CFAP299: variants seen among roughly 807,000 people sequenced by gnomAD.
CFAP299 encodes the protein cilia and flagella associated protein 299.
CFAP299 carries 21 observed loss-of-function variants against 27.0 expected under a neutral mutation model. The ratio of observed to expected loss-of-function variants is 0.78; its 90% CI spans 0.55 to 1.12. The LOEUF (loss-of-function observed/expected upper bound fraction) is 1.12. Among genes scored for constraint, CFAP299 ranks in the 50% most tolerant of loss-of-function variants. The probability of loss-of-function intolerance (pLI) is 0.00; values close to 1 mark genes in which losing one functional copy is unlikely to be tolerated. For missense variants in CFAP299, 310 were observed against 276.6 expected (o/e 1.12, Z -0.86); for synonymous variants, 104 against 98.1 (o/e 1.06, Z -0.36).
rs561059021 is a variant in CFAP299 at position 80,741,293 on chromosome 4, G to A, written c.334-128700G>A. ...AGATGGAGTCTTGCTCTGTCGCCCA[G>A]GCTGGAGTGCAGTGGCATGATCTCA... On this transcript the variant is annotated intron_variant, in intron 3 of 5. Transcript: ENST00000358105. Among the ~76,000 whole-genome samples the A allele has an allele frequency of 3.8e-3, 576 of 152,216 alleles. 1 individual carries two copies. Among genetic ancestry groups the A allele is most frequent in the African/African-American group, 0.013 (538 of 41,538 alleles).
chr4:80,371,650 G>A (rs1159773644), intron 2 of CFAP299, among the ~76,000 whole-genome samples: 2 of 151,984 alleles, frequency 1.3e-5, no homozygotes, highest in African/African-American at 4.8e-5. Context: ...AAGTTCCACA[G>A]ATCCCTAGAG....
intron 2 of CFAP299, among the ~76,000 whole-genome samples, chr4:80,537,718 A>C (rs1733810122): frequency 6.6e-6 from 1 of 152,026 alleles, no homozygotes; most frequent in African/African-American, 2.4e-5. Flanking sequence ...AAAGGTATGA[A>C]GTTTCAGTTA....
At chr4:80,344,118 C>T (rs576224023) in intron 1 of CFAP299, among the ~76,000 whole-genome samples, 185 of 152,164 alleles carry the variant, frequency 1.2e-3, no homozygotes, top group African/African-American at 4.2e-3. Context: ...AACCACAAAG[C>T]TGGCAGAAGA....
chr4:80,782,075 T>C (rs963505052), intron 3 of CFAP299, among the ~76,000 whole-genome samples: 1 of 152,140 alleles, frequency 6.6e-6, no homozygotes, highest in Non-Finnish European at 1.5e-5. Context: ...CTTTCCCTTT[T>C]AGCCTATGTG....
intron 3 of CFAP299, among the ~76,000 whole-genome samples, chr4:80,742,573 A>G (rs1724339071): frequency 6.6e-6 from 1 of 152,196 alleles, no homozygotes; most frequent in Non-Finnish European, 1.5e-5. Flanking sequence ...GAGAGACAGA[A>G]TAATGTTAAC....
At chr4:80,946,577 T>C (rs1366688618) in intron 5 of CFAP299, among the ~76,000 whole-genome samples, 2 of 152,176 alleles carry the variant, frequency 1.3e-5, no homozygotes, top group Non-Finnish European at 2.9e-5. Context: ...AAAACAGGTA[T>C]TCTGAGACAG....
intron 3 of CFAP299, among the ~76,000 whole-genome samples, chr4:80,855,862 A>C (rs1010037554): frequency 2.0e-5 from 3 of 151,798 alleles, no homozygotes; most frequent in African/African-American, 7.3e-5. Context: ...TGCCGCAATA[A>C]ACATACGTGT....
At chr4:80,614,351 A>G (rs549913784) in intron 3 of CFAP299, among the ~76,000 whole-genome samples, 6 of 152,328 alleles carry the variant, frequency 3.9e-5, no homozygotes, top group African/African-American at 1.4e-4. Context: ...CTTGATCCCC[A>G]TAGCTGTATA....
intron 4 of CFAP299, among the ~76,000 whole-genome samples, chr4:80,932,749 A>C (rs1736683533): frequency 6.6e-6 from 1 of 152,212 alleles, no homozygotes; most frequent in East Asian, 1.9e-4. Flanking sequence ...ACGCTAATTC[A>C]GCAGTGTTTA....
intron 3 of CFAP299, among the ~76,000 whole-genome samples, chr4:80,631,863 CA>C (rs386418241): frequency 0.11 from 4,908 of 42,724 alleles, 768 homozygotes; most frequent in African/African-American, 0.41. Flanking sequence ...ATTTGTGCCC[CA>C]CCCCCCCCCA....
At chr4:80,365,607 T>A (rs1723787370) in intron 2 of CFAP299, among the ~76,000 whole-genome samples, 1 of 152,248 alleles carries the variant, frequency 6.6e-6, no homozygotes, top group Non-Finnish European at 1.5e-5. Flanking sequence ...GAAATGAGGC[T>A]AGTTTTCTGT....
chr4:80,750,780 A>G (rs2110070636), intron 3 of CFAP299, among the ~76,000 whole-genome samples: 1 of 152,318 alleles, frequency 6.6e-6, no homozygotes, highest in East Asian at 1.9e-4. Context: ...AAGAAAGACA[A>G]AATCATAAAG....
At position 80,937,428 on chromosome 4, in the gene CFAP299, C is replaced by T. The variant is rs190577355; in HGVS notation, c.477-7382C>T. ...ATATCCCAGGCTCAATCGATCCTCC[C>T]ACCTTAACCTCCTGAGTTTCTGGGG... On this transcript the variant is annotated intron_variant, in intron 4 of 5. Coordinates refer to ENST00000358105, the MANE Select transcript of CFAP299 (RefSeq NM_152770.3). Among the ~76,000 whole-genome samples, 500 of 149,696 alleles carry T rather than the reference C, an allele frequency of 3.3e-3. 5 individuals are homozygous for T. Among genetic ancestry groups the T allele is most frequent in the South Asian group, 8.0e-3 (38 of 4,760 alleles).
In CFAP299 at chr4:80,856,284, G is replaced by C. The variant is rs79863818; in HGVS notation, c.334-13709G>C. 1.3e-3 allele frequency among the ~76,000 whole-genome samples: 177 copies of C among 131,476 alleles called. 16 individuals carry two copies. Among genetic ancestry groups the C allele is most frequent in the African/African-American group, 5.2e-3 (165 of 32,020 alleles). 86.3% of individuals were successfully genotyped at this position (131,476 alleles called of 152,430 possible). ...TTTCTTGTAAATTTGTTTGAGTTCA[G>C]TGTAGATTCTGGATATTAGCCCTTT... On this transcript the variant is annotated intron_variant, in intron 3 of 5. Coordinates refer to ENST00000358105, the MANE Select transcript of CFAP299 (RefSeq NM_152770.3).
At chr4:80,914,131 T>C (rs1735627831) in intron 4 of CFAP299, among the ~76,000 whole-genome samples, 1 of 152,212 alleles carries the variant, frequency 6.6e-6, no homozygotes, top group Non-Finnish European at 1.5e-5. Flanking sequence ...AGTCTGTGTC[T>C]AATATTAATA....
At chr4:80,949,893 T>C (rs1429378551) in intron 5 of CFAP299, among the ~76,000 whole-genome samples, 1 of 151,924 alleles carries the variant, frequency 6.6e-6, no homozygotes, top group African/African-American at 2.4e-5. Context: ...GGCTTTAATG[T>C]TAGAAGGTGT....
intron 3 of CFAP299, among the ~76,000 whole-genome samples, chr4:80,593,082 G>A (rs958659556): frequency 6.6e-6 from 1 of 152,178 alleles, no homozygotes; most frequent in Non-Finnish European, 1.5e-5. Flanking sequence ...TCTGGGAGAA[G>A]AATATATTTT....
chr4:80,876,278 C>T (rs111692661), intron 4 of CFAP299, among the ~76,000 whole-genome samples: 8 of 151,834 alleles, frequency 5.3e-5, no homozygotes, highest in African/African-American at 1.9e-4. Flanking sequence ...CCATATAATC[C>T]TCACATGTCA....
intron 4 of CFAP299, among the ~76,000 whole-genome samples, chr4:80,883,927 G>A (rs556636379): frequency 3.9e-4 from 59 of 152,206 alleles, no homozygotes; most frequent in Non-Finnish European, 6.8e-4. Context: ...TGTTACATGT[G>A]TCATGGAGGT....
Sources: gnomAD v4.1 joint callset for allele counts (sites outside exome capture counted in the v4.1 genomes callset) on GRCh38, gnomAD v4.1.1 for gene constraint, MANE v1.5 for transcripts, NCBI Gene and HGNC (gene_info 2026-07-23, HGNC 2026-07-21) for gene names.